The following YKT6 variants were observed in gnomAD, a reference collection of about 807,000 sequenced individuals.
YKT6 encodes the protein YKT6 vesicular SNARE protein.
YKT6 carries 12 observed loss-of-function variants against 29.3 expected under a neutral mutation model. The observed-to-expected ratio is 0.41, with a 90% CI of 0.26 to 0.66. The LOEUF is 0.66. Among genes scored for constraint, YKT6 ranks in the 30% least tolerant of loss-of-function variants. The pLI, the probability that YKT6 is intolerant of heterozygous loss-of-function variation, is 0.32. For missense variants in YKT6, 188 were observed against 243.8 expected (o/e 0.77, Z 1.52); for synonymous variants, 86 against 94.3 (o/e 0.91, Z 0.51).
chr7:44,203,974 CT>C (rs1243310082), intron 1 of YKT6, among the ~76,000 whole-genome samples: 2 of 152,220 alleles, frequency 1.3e-5, no homozygotes, highest in Non-Finnish European at 2.9e-5. Flanking sequence ...CCCTTTCACC[CT>C]TTGTATGAGC....
At chr7:44,205,106 A>G (rs1041636269) in intron 2 of YKT6, among the ~76,000 whole-genome samples, 9 of 152,238 alleles carry the variant, frequency 5.9e-5, no homozygotes, top group African/African-American at 2.2e-4. Flanking sequence ...AGATCAGGAA[A>G]GAGTTACATG....
intron 4 of YKT6, among the ~76,000 whole-genome samples, chr7:44,207,796 G>A (rs1441823461): frequency 6.6e-5 from 10 of 151,816 alleles, no homozygotes; most frequent in African/African-American, 1.7e-4. Flanking sequence ...GCGCAATCTC[G>A]GCTCACTCAA....
At chr7:44,211,489 C>T (rs1025329153) in intron 6 of YKT6, 28 of 974,532 alleles carry the variant, frequency 2.9e-5, no homozygotes, top group Non-Finnish European at 1.2e-5. Context: ...AGACATAAGT[C>T]TTTAAGATGC....
chr7:44,212,135 GT>G (rs1476551183), intron 6 of YKT6, 111 bp from the exon 7 acceptor site: 2 of 1,331,046 alleles, frequency 1.5e-6, no homozygotes, highest in Non-Finnish European at 2.1e-6. Context: ...TCTAGTGCTA[GT>G]TTCTCTGCCT....
At chr7:44,208,038 TA>T (rs2096342808) in intron 4 of YKT6, 94 bp from the exon 5 acceptor site, 1 of 1,367,520 alleles carries the variant, frequency 7.3e-7, no homozygotes, top group African/African-American at 1.4e-5. Context: ...CTGTGGTTTT[TA>T]ACCTGTGAAA....
intron 5 of YKT6, among the ~76,000 whole-genome samples, chr7:44,209,942 G>A (rs2096344802): frequency 6.6e-6 from 1 of 152,200 alleles, no homozygotes; most frequent in Non-Finnish European, 1.5e-5. Context: ...GGGCATGTGT[G>A]TAACTTAGAA....
intron 1 of YKT6, among the ~76,000 whole-genome samples, chr7:44,203,383 C>G (rs548835352): frequency 6.6e-6 from 1 of 152,326 alleles, no homozygotes; most frequent in African/African-American, 2.4e-5. Context: ...CTTGAGCCAC[C>G]ACGTCCGGCC....
intron 5 of YKT6, 162 bp from the exon 6 acceptor site, chr7:44,210,861 G>C (rs1348454242): frequency 1.4e-6 from 1 of 696,638 alleles, no homozygotes; most frequent in Admixed American, 2.1e-5. Flanking sequence ...CATCCACTTG[G>C]ACAGTAACTA....
At chr7:44,207,592 A>G (rs755488653) in intron 4 of YKT6, 100 bp downstream of exon 4, 4 of 972,472 alleles carry the variant, frequency 4.1e-6, no homozygotes, top group Non-Finnish European at 4.7e-6. Flanking sequence ...ATTACTTCTG[A>G]CAGCTTCTGA....
Position 44,201,088 on chromosome 7 carries a change from G to A in YKT6, c.-48G>A. The A allele has an allele frequency of 2.0e-6, 3 of 1,513,522 alleles. No individual in the cohort carries two copies. The South Asian group carries it at 3.7e-5, about 18-fold the overall frequency. The allele number at this position is 1,513,522 out of a possible 1,614,324, so 93.8% of individuals were successfully genotyped here. A position where few individuals can be genotyped will look rare whatever the true frequency, so the allele number is the denominator to read the frequency against. On this transcript the variant is annotated 5_prime_UTR_variant, in exon 1 of 7. Coordinates refer to ENST00000223369, the MANE Select transcript of YKT6 (RefSeq NM_006555.4). ...GGGCGGCGGCCGCGCTGCTCCCTGA[G>A]AACGGGTCCCGCAGCTGGGCAGGCG...
At chr7:44,201,667 G>A (rs1487437491) in intron 1 of YKT6, among the ~76,000 whole-genome samples, 1 of 152,170 alleles carries the variant, frequency 6.6e-6, no homozygotes, top group Non-Finnish European at 1.5e-5. Context: ...TTGAGGCCTC[G>A]GTATTTATAT....
chr7:44,204,508 C>T, intron 1 of YKT6, 60 bp from the exon 2 acceptor site: 1 of 1,559,980 alleles, frequency 6.4e-7, no homozygotes, highest in Non-Finnish European at 8.8e-7. Context: ...AGGTCACTTT[C>T]CACTGTGTTG....
intron 1 of YKT6, among the ~76,000 whole-genome samples, chr7:44,203,413 G>A (rs2096337867): frequency 6.6e-6 from 1 of 152,138 alleles, no homozygotes; most frequent in African/African-American, 2.4e-5. Context: ...TTTCTTATAA[G>A]ACCGCTTTAC....
chr7:44,203,535 T>G (rs558241400), intron 1 of YKT6, among the ~76,000 whole-genome samples: 1 of 152,346 alleles, frequency 6.6e-6, no homozygotes, highest in South Asian at 2.1e-4. Context: ...CTTTGTCTCT[T>G]TATAGCCGTG....
intron 1 of YKT6, 36 bp downstream of exon 1, chr7:44,201,275 G>T (rs745388890): frequency 6.3e-7 from 1 of 1,592,636 alleles, no homozygotes; most frequent in South Asian, 1.1e-5. Flanking sequence ...TGGCGGTCGG[G>T]CGGAGAGGAC....
rs1168325795 is a variant in YKT6 at position 44,214,112 on chromosome 7, G to C, written c.*1830G>C. ...CAGGTCAGCCCCTGCCTTGCAGGGC[G>C]GGCTGGCTTGACTCAGGCCCTGTGA... On this transcript the variant is annotated 3_prime_UTR_variant, in exon 7 of 7. Coordinates refer to ENST00000223369, the MANE Select transcript of YKT6 (RefSeq NM_006555.4). 1.3e-5 allele frequency: 2 copies of C among 152,238 alleles called. No individual in the cohort carries two copies. Among genetic ancestry groups the C allele is most frequent in the African/African-American group, 4.8e-5 (2 of 41,446 alleles). 9.4% of individuals were successfully genotyped at this position (152,238 alleles called of 1,614,324 possible). A position where few individuals can be genotyped will look rare whatever the true frequency, so the allele number is the denominator to read the frequency against.
Position 44,213,597 on chromosome 7 carries a change from GGA to G in YKT6, c.*1316_*1317del. The stretch of plus-strand genomic sequence containing the variant: ...TGCAGCCCTGGGATCCAGCACCCAT[GGA>G]AGCTTCTGCTGGGATGGTGTCACCT... On this transcript the variant is annotated 3_prime_UTR_variant, in exon 7 of 7. Coordinates refer to ENST00000223369, the MANE Select transcript of YKT6 (RefSeq NM_006555.4). 6.6e-6 allele frequency: 1 copy of G among 152,514 alleles called. No individual in the cohort carries two copies. Among genetic ancestry groups the G allele is most frequent in the Non-Finnish European group, 1.5e-5 (1 of 68,182 alleles). 9.4% of individuals were successfully genotyped at this position (152,514 alleles called of 1,614,324 possible). A position where few individuals can be genotyped will look rare whatever the true frequency, so the allele number is the denominator to read the frequency against.
chr7:44,202,699 G>A (rs2096337094), intron 1 of YKT6, among the ~76,000 whole-genome samples: 1 of 152,146 alleles, frequency 6.6e-6, no homozygotes, highest in Non-Finnish European at 1.5e-5. Context: ...CCACATTTCA[G>A]CCATTGTGAA....
intron 6 of YKT6, 70 bp from the exon 7 acceptor site, chr7:44,212,177 G>A (rs1389536267): frequency 4.5e-5 from 72 of 1,597,534 alleles, no homozygotes; most frequent in Middle Eastern, 1.7e-4. Flanking sequence ...CCTCTGCCAC[G>A]CCTGCCAGGA....
Sources: allele counts gnomAD v4.1 joint callset (sites outside exome capture counted in the v4.1 genomes callset), GRCh38; gene constraint gnomAD v4.1.1; transcripts MANE v1.5; gene names NCBI Gene and HGNC (gene_info 2026-07-23, HGNC 2026-07-21).